TEK: variants seen among roughly 807,000 people sequenced by gnomAD.
TEK encodes the protein TEK receptor tyrosine kinase, also known as angiopoietin-1 receptor.
A neutral mutation model predicts 131.8 loss-of-function variants in TEK; 43 were observed. The ratio of observed to expected loss-of-function variants is 0.33; its 90% CI spans 0.26 to 0.42. TEK has a LOEUF of 0.42. Among genes scored for constraint, TEK ranks in the 10% least tolerant of loss-of-function variants. The pLI is 1.00. For missense variants in TEK, 1,162 were observed against 1,384.4 expected (o/e 0.84, Z 2.55); for synonymous variants, 580 against 491.6 (o/e 1.18, Z -2.38).
intron 1 of TEK, among the ~76,000 whole-genome samples, chr9:27,132,112 G>C (rs1352777719): frequency 6.7e-6 from 1 of 148,528 alleles, no homozygotes; most frequent in Non-Finnish European, 1.5e-5. Context: ...TCTTGAGACG[G>C]AGTCTTGCTC....
At chr9:27,137,586 A>AT (rs748660416) in intron 1 of TEK, among the ~76,000 whole-genome samples, 29 of 152,106 alleles carry the variant, frequency 1.9e-4, no homozygotes, top group Non-Finnish European at 3.5e-4. Context: ...AACTTTAGGA[A>AT]TTTATATTTC....
intron 1 of TEK, among the ~76,000 whole-genome samples, chr9:27,140,588 C>T (rs944227890): frequency 2.0e-5 from 3 of 151,832 alleles, no homozygotes; most frequent in Non-Finnish European, 2.9e-5. Context: ...TGTGTTGCTC[C>T]ACTGGCTATA....
chr9:27,125,019 A>C (rs1274605841), intron 1 of TEK, among the ~76,000 whole-genome samples: 5 of 152,088 alleles, frequency 3.3e-5, no homozygotes, highest in African/African-American at 4.8e-5. Flanking sequence ...TTCCTCTCTC[A>C]TAACTGCATC....
intron 1 of TEK, among the ~76,000 whole-genome samples, chr9:27,113,899 A>T (rs1587469253): frequency 6.6e-6 from 1 of 152,122 alleles, no homozygotes; most frequent in African/African-American, 2.4e-5. Context: ...CACAATCTAC[A>T]CATTCTTTCC....
chr9:27,160,010 GTTTTTTTTTTTTTTTTTT>G (rs563961610), intron 2 of TEK, among the ~76,000 whole-genome samples: 3 of 84,322 alleles, frequency 3.6e-5, no homozygotes, highest in African/African-American at 1.5e-4. Context: ...GCTGTTTAGG[GTTTTTTTTTTTTTTTTTT>G]TTTTTTTTTT....
chr9:27,206,637 T>A lies in TEK; in HGVS notation c.2420T>A (p.Val807Asp), dbSNP rs749014021. The change falls in exon 15 of 23, where the codon GTC becomes GAC. Residue 807 changes from valine (V) to aspartate (D), a missense_variant. By Grantham distance (152) the Val-to-Asp change is radical. Coordinates refer to ENST00000380036, the MANE Select transcript of TEK (RefSeq NM_000459.5). ...NSGTLALNRKVKNNPDPTIYP... is the reference protein window; with the variant it reads ...NSGTLALNRKDKNNPDPTIYP... Reference sequence around the variant, plus strand: ...GGGACTCTGGCCCTAAACAGGAAGGTCAAAAACAACCCAGATCCTACAATT... The same window carrying A: ...GGGACTCTGGCCCTAAACAGGAAGGACAAAAACAACCCAGATCCTACAATT... 9.9e-6 allele frequency: 16 copies of A among 1,613,852 alleles called. No homozygotes were observed. The African/African-American group carries it at 2.0e-4, about 20-fold the overall frequency.
chr9:27,183,665 A>G (rs2131170479), intron 8 of TEK, 55 bp downstream of exon 8: 1 of 1,598,022 alleles, frequency 6.3e-7, no homozygotes, highest in East Asian at 2.2e-5. Context: ...TCAGTGTAGT[A>G]ATCACCCCAC....
chr9:27,109,540 T>C lies in TEK; in HGVS notation c.-51T>C, dbSNP rs546705490. The C allele has an allele frequency of 1.9e-6, 3 of 1,601,682 alleles. No individual in the cohort carries two copies. The African/African-American group carries it at 4.0e-5, about 21-fold the overall frequency. ...AACCGCTGGGTTTTTGAAAGGATCC[T>C]TGGGACCTCATGCACATTTGTGGAA... On this transcript the variant is annotated 5_prime_UTR_variant, in exon 1 of 23. Coordinates refer to ENST00000380036, the MANE Select transcript of TEK (RefSeq NM_000459.5).
intron 13 of TEK, among the ~76,000 whole-genome samples, chr9:27,203,925 T>A (rs545477163): frequency 6.6e-6 from 1 of 152,216 alleles, no homozygotes; most frequent in Admixed American, 6.5e-5. Context: ...AGAAACAAAA[T>A]CAAACAAGTC....
chr9:27,162,026 A>G (rs1019478326), intron 2 of TEK, among the ~76,000 whole-genome samples: 1 of 152,224 alleles, frequency 6.6e-6, no homozygotes, highest in Non-Finnish European at 1.5e-5. Context: ...AAAAATAGGT[A>G]TGTTCTCTCC....
chr9:27,140,644 A>C (rs907463896), intron 1 of TEK, among the ~76,000 whole-genome samples: 6 of 152,116 alleles, frequency 3.9e-5, no homozygotes, highest in African/African-American at 1.4e-4. Flanking sequence ...TTACATAAAG[A>C]TATACATATC....
chr9:27,137,658 A>G (rs1822524542), intron 1 of TEK, among the ~76,000 whole-genome samples: 1 of 144,202 alleles, frequency 6.9e-6, no homozygotes. Context: ...TAGTTCCCGT[A>G]TGATTAAAGC....
chr9:27,134,253 G>C (rs1822332725), intron 1 of TEK, among the ~76,000 whole-genome samples: 1 of 152,162 alleles, frequency 6.6e-6, no homozygotes, highest in East Asian at 1.9e-4. Flanking sequence ...TATTAACATT[G>C]TATGTACTTG....
At chr9:27,156,594 C>A (rs1485441014) in intron 1 of TEK, among the ~76,000 whole-genome samples, 1 of 152,096 alleles carries the variant, frequency 6.6e-6, no homozygotes, top group Non-Finnish European at 1.5e-5. Flanking sequence ...TCCAAGGAAT[C>A]AAAGACCAGT....
At chr9:27,224,780 G>GAA (rs1826243306) in intron 21 of TEK, among the ~76,000 whole-genome samples, 2 of 152,142 alleles carry the variant, frequency 1.3e-5, no homozygotes, top group Admixed American at 6.6e-5. Flanking sequence ...GAGAAAGAAA[G>GAA]AAAGGGCATT....
chr9:27,214,988 C>T (rs190519737), intron 18 of TEK, among the ~76,000 whole-genome samples: 57 of 152,266 alleles, frequency 3.7e-4, no homozygotes, highest in African/African-American at 1.3e-3. Context: ...CCAACTCCTC[C>T]CTCACCACCT....
At chr9:27,111,483 C>T (rs1821344135) in intron 1 of TEK, among the ~76,000 whole-genome samples, 1 of 151,724 alleles carries the variant, frequency 6.6e-6, no homozygotes, top group African/African-American at 2.4e-5. Flanking sequence ...AGGTTTATCT[C>T]TCTAGTCCAG....
At chr9:27,154,450 G>T (rs2131112276) in intron 1 of TEK, among the ~76,000 whole-genome samples, 1 of 152,214 alleles carries the variant, frequency 6.6e-6, no homozygotes, top group South Asian at 2.1e-4. Context: ...TTTTATGTGT[G>T]AATAATAGTC....
chr9:27,180,524 AT>A (rs1383716295), intron 7 of TEK, 156 bp downstream of exon 7: 1 of 1,136,366 alleles, frequency 8.8e-7, no homozygotes, highest in Non-Finnish European at 1.3e-6. Context: ...AAAGCACAGC[AT>A]TTTAATTCTG....
Sources: gnomAD v4.1 joint callset for allele counts (sites outside exome capture counted in the v4.1 genomes callset) on GRCh38, gnomAD v4.1.1 for gene constraint, MANE v1.5 for transcripts, NCBI Gene and HGNC (gene_info 2026-07-23, HGNC 2026-07-21) for gene names.